Variants in OXSR1 observed in about 807,000 individuals in gnomAD.
OXSR1 encodes the protein oxidative stress responsive kinase 1, also known as serine/threonine-protein kinase OSR1.
A neutral mutation model predicts 79.8 loss-of-function variants in OXSR1; 24 were observed. That is an observed-to-expected ratio of 0.30 (90% CI 0.22 to 0.42). The LOEUF is 0.42. OXSR1 is among the 10% of genes least tolerant of loss of function. The pLI is 1.00. For synonymous variants in OXSR1, 226 were observed against 209.2 expected (o/e 1.08, Z -0.69); for missense variants, 430 against 618.4 (o/e 0.70, Z 3.23).
Position 38,209,665 on chromosome 3 carries a change from C to G in OXSR1, c.435-6431C>G, listed in dbSNP as rs545850759. 4.2e-3 allele frequency among the ~76,000 whole-genome samples: 616 copies of G among 146,210 alleles called. 5 individuals are homozygous for G. Among genetic ancestry groups the G allele is most frequent in the African/African-American group, 0.015 (576 of 39,206 alleles). On this transcript the variant is annotated intron_variant, in intron 4 of 17. Transcript: ENST00000311806. ...TTTTTTTTTTTTTGAGACGGAGTCT[C>G]GCTCTGTCGCCCAGGCTGGAGTGCA...
chr3:38,246,307 C>T (rs1002036656), intron 13 of OXSR1, 86 bp downstream of exon 13: 12 of 1,267,674 alleles, frequency 9.5e-6, no homozygotes, highest in Non-Finnish European at 1.3e-5. Flanking sequence ...CTAATGTAAT[C>T]AGGTTAATGT....
intron 8 of OXSR1, among the ~76,000 whole-genome samples, chr3:38,225,554 C>T (rs951452052): frequency 3.3e-5 from 5 of 151,820 alleles, no homozygotes; most frequent in African/African-American, 1.2e-4. Flanking sequence ...AAATTTATAC[C>T]TGTGTTTTTA....
rs1200655243 is a variant in OXSR1 at position 38,177,973 on chromosome 3, G to A, written c.71-5030G>A. ...ACTTGTTTGTTTGGTTTTTGAGACA[G>A]AGCCTTGTTCTGTTGCCCAGGCTGG... On this transcript the variant is annotated intron_variant, in intron 1 of 17. Transcript: ENST00000311806. 2.6e-5 allele frequency among the ~76,000 whole-genome samples: 4 copies of A among 152,050 alleles called. No individual in the cohort carries two copies. The East Asian group carries it at 7.7e-4, about 29-fold the overall frequency.
chr3:38,224,659 T>A lies in OXSR1; in HGVS notation c.791T>A (p.Phe264Tyr), dbSNP rs775103796. 1 of 1,591,324 alleles carries A rather than the reference T, an allele frequency of 6.3e-7. No individual in the cohort carries two copies. Among genetic ancestry groups the A allele is most frequent in the Admixed American group, 1.8e-5 (1 of 56,712 alleles). The stretch of plus-strand genomic sequence containing the variant: ...ATGCTGAAAAAATATGGAAAATCAT[T>A]TAGAAAAATGATTTCATTGTGCCTT... ...KEMLKKYGKS[F>Y]RKMISLCLQK... The change falls in exon 8 of 18, where the codon TTT becomes TAT. Residue 264 changes from phenylalanine to tyrosine, a missense_variant. This residue lies in a region of OXSR1 where 276 missense variants were observed against 354.2 expected (regional missense o/e 0.78). Transcript: ENST00000311806.
intron 4 of OXSR1, among the ~76,000 whole-genome samples, chr3:38,210,189 A>G (rs1373639505): frequency 5.3e-5 from 8 of 151,842 alleles, no homozygotes; most frequent in Admixed American, 2.0e-4. Context: ...ACATCTATCA[A>G]TATTTTTGTC....
intron 16 of OXSR1, among the ~76,000 whole-genome samples, chr3:38,251,949 C>T (rs111785591): frequency 6.6e-6 from 1 of 152,188 alleles, no homozygotes; most frequent in East Asian, 1.9e-4. Context: ...TTAGGCCTTG[C>T]GGGCCATGTA....
intron 4 of OXSR1, among the ~76,000 whole-genome samples, chr3:38,206,514 A>C (rs1290458689): frequency 6.6e-6 from 1 of 151,590 alleles, no homozygotes; most frequent in Non-Finnish European, 1.5e-5. Flanking sequence ...AAAAAAAAAA[A>C]GAGACAATGA....
chr3:38,228,808 G>A (rs568268401), intron 8 of OXSR1, among the ~76,000 whole-genome samples: 57 of 152,208 alleles, frequency 3.7e-4, no homozygotes, highest in South Asian at 1.5e-3. Context: ...TCCTGATATC[G>A]TGATCCACCC....
intron 4 of OXSR1, among the ~76,000 whole-genome samples, chr3:38,207,218 A>G (rs986834538): frequency 4.6e-5 from 7 of 152,234 alleles, no homozygotes; most frequent in African/African-American, 1.4e-4. Context: ...GAAACAGGCA[A>G]TGGACTGGAT....
intron 10 of OXSR1, among the ~76,000 whole-genome samples, chr3:38,233,064 C>G (rs911654524): frequency 6.6e-6 from 1 of 152,084 alleles, no homozygotes; most frequent in Non-Finnish European, 1.5e-5. Flanking sequence ...GAGTTAGACT[C>G]TGGTCCCTCC....
intron 3 of OXSR1, chr3:38,193,327 TATG>T: frequency 7.8e-7 from 1 of 1,289,648 alleles, no homozygotes; most frequent in Non-Finnish European, 1.0e-6. Flanking sequence ...GCCCTGTTCA[TATG>T]ATGGTTGGAA....
At chr3:38,171,209 TAC>T (rs1459732784) in intron 1 of OXSR1, among the ~76,000 whole-genome samples, 1 of 152,238 alleles carries the variant, frequency 6.6e-6, no homozygotes, top group African/African-American at 2.4e-5. Flanking sequence ...TTCTTTGAGC[TAC>T]AGCCTAGTAT....
intron 2 of OXSR1, among the ~76,000 whole-genome samples, chr3:38,187,423 A>T (rs1701905562): frequency 6.6e-6 from 1 of 152,228 alleles, no homozygotes; most frequent in Admixed American, 6.5e-5. Flanking sequence ...ATACATTAGT[A>T]GTAGAATGAG....
intron 1 of OXSR1, among the ~76,000 whole-genome samples, chr3:38,171,184 GA>G (rs951821679): frequency 1.1e-3 from 171 of 152,118 alleles, no homozygotes; most frequent in African/African-American, 3.9e-3. Flanking sequence ...CCAACAGGGA[GA>G]AAAAAAATTT....
intron 5 of OXSR1, among the ~76,000 whole-genome samples, chr3:38,219,162 AG>A (rs1416790561): frequency 1.3e-5 from 2 of 152,106 alleles, no homozygotes; most frequent in African/African-American, 4.8e-5. Flanking sequence ...ATTTTGGTAA[AG>A]GGGGTATTAT....
chr3:38,208,985 T>C (rs113036294), intron 4 of OXSR1, among the ~76,000 whole-genome samples: 1,544 of 128,208 alleles, frequency 0.012, 15 homozygotes, highest in Non-Finnish European at 0.016. Flanking sequence ...TGTGTGTGTG[T>C]GCGCGCGCGC....
intron 3 of OXSR1, among the ~76,000 whole-genome samples, chr3:38,197,545 T>C (rs908363127): frequency 6.6e-6 from 1 of 152,228 alleles, no homozygotes; most frequent in Non-Finnish European, 1.5e-5. Flanking sequence ...CCACTGTGCT[T>C]AGTTACTTTT....
At chr3:38,207,071 T>G (rs1702281092) in intron 4 of OXSR1, among the ~76,000 whole-genome samples, 1 of 152,240 alleles carries the variant, frequency 6.6e-6, no homozygotes, top group Non-Finnish European at 1.5e-5. Flanking sequence ...CTGACAAACC[T>G]TTTCTGTAAA....
intron 4 of OXSR1, among the ~76,000 whole-genome samples, chr3:38,214,634 C>T (rs1702449122): frequency 6.6e-6 from 1 of 152,190 alleles, no homozygotes; most frequent in Non-Finnish European, 1.5e-5. Context: ...GAATCTGAGA[C>T]TAGATTCATG....
Sources: allele counts gnomAD v4.1 joint callset (sites outside exome capture counted in the v4.1 genomes callset), GRCh38; gene constraint gnomAD v4.1.1; regional missense constraint gnomAD v4.1.1; transcripts MANE v1.5; gene names NCBI Gene and HGNC (gene_info 2026-07-23, HGNC 2026-07-21).